The following DNAJB1 variants were observed in gnomAD, a reference collection of about 807,000 sequenced individuals.
The protein encoded by DNAJB1 is DnaJ heat shock protein family (Hsp40) member B1, also known as dnaJ homolog subfamily B member 1.
A neutral mutation model predicts 24.0 loss-of-function variants in DNAJB1; 14 were observed. That is an observed-to-expected ratio of 0.58 (90% CI 0.39 to 0.91). The LOEUF (loss-of-function observed/expected upper bound fraction) is 0.91. Ranked by LOEUF, DNAJB1 falls within the 40% of genes least tolerant of loss-of-function variation. DNAJB1 has a pLI of 0.00. For missense variants in DNAJB1, 517 were observed against 458.1 expected (o/e 1.13, Z -1.17); for synonymous variants, 262 against 174.4 (o/e 1.50, Z -3.96).
Position 14,518,333 on chromosome 19 carries a change from T to C in DNAJB1, c.17A>G (p.Tyr6Cys). 1 of 1,591,440 alleles carries C rather than the reference T, an allele frequency of 6.3e-7. No individual in the cohort carries two copies. Among genetic ancestry groups the C allele is most frequent in the Non-Finnish European group, 8.5e-7 (1 of 1,173,810 alleles). The stretch of plus-strand genomic sequence containing the variant: ...GCCGCGGGCCAGGCCCAACGTCTGG[T>C]AGTAGTCTTTACCCATGACCCCCTC... MGKDY[Y>C]QTLGLARGAS... Residue 6 changes from tyrosine (Y) to cysteine (C), a missense_variant, in exon 1 of 3, where the codon TAC becomes TGC. Coordinates refer to ENST00000254322, the MANE Select transcript of DNAJB1 (RefSeq NM_006145.3).
rs71166754 is a variant in DNAJB1, at chr19:14,542,347, G to GTTTTTTTTTTTTTTTTTTT, written c.-214+7842_-214+7860dup. Among the ~76,000 whole-genome samples, 16 of 43,300 alleles carry GTTTTTTTTTTTTTTTTTTT rather than the reference G, an allele frequency of 3.7e-4. 3 individuals carry two copies. Among genetic ancestry groups the GTTTTTTTTTTTTTTTTTTT allele is most frequent in the Non-Finnish European group, 7.0e-4 (16 of 22,812 alleles). 28.4% of individuals were successfully genotyped at this position (43,300 alleles called of 152,430 possible). A position where few individuals can be genotyped will look rare whatever the true frequency, so the allele number is the denominator to read the frequency against. On this transcript the variant is annotated intron_variant, in intron 1 of 3. Coordinates refer to the DNAJB1 transcript ENST00000676982. ...CCTCAGGGGGCCCTCATGCCATAGT[G>GTTTTTTTTTTTTTTTTTTT]TTTTTTTTTTTTTTTTTTTTTTTTT...
chr19:14,534,562 A>G (rs2072797119), upstream of DNAJB1, among the ~76,000 whole-genome samples: 1 of 148,282 alleles, frequency 6.7e-6, no homozygotes, highest in South Asian at 2.1e-4. Context: ...CAGCCTCCCA[A>G]GTAGCTGTTA....
At chr19:14,539,489 G>C (rs2073023366) in intron 1 of DNAJB1, among the ~76,000 whole-genome samples, 1 of 151,962 alleles carries the variant, frequency 6.6e-6, no homozygotes, top group Non-Finnish European at 1.5e-5. Context: ...TTCTGTTCCT[G>C]CTCCCTCCTA....
intron 1 of DNAJB1, chr19:14,545,611 C>A: frequency 5.0e-6 from 1 of 199,224 alleles, no homozygotes; most frequent in Admixed American, 5.4e-5. Context: ...CCATTCATCA[C>A]TGAGCCCAGC....
chr19:14,555,025 C>T (rs746073399), upstream of DNAJB1, among the ~76,000 whole-genome samples: 4 of 151,800 alleles, frequency 2.6e-5, no homozygotes, highest in Non-Finnish European at 4.4e-5. Flanking sequence ...GATCTGCCCA[C>T]GTCCGCCTCC....
At position 14,560,122 on chromosome 19, in the gene DNAJB1, C is replaced by A. The variant is rs557875072; in HGVS notation, c.-2257G>T. Among the ~76,000 whole-genome samples, 9 of 152,296 alleles carry A rather than the reference C, an allele frequency of 5.9e-5. No individual in the cohort carries two copies. The South Asian group carries it at 1.9e-3, about 32-fold the overall frequency. The stretch of plus-strand genomic sequence containing the variant: ...TGTGAGCGTGGCCCCTCTCTCGCTA[C>A]CCCCTCCTGCCGCAGCCCGGCGTCC... On this transcript the variant is annotated 5_prime_UTR_variant, in exon 1 of 6. Coordinates refer to the DNAJB1 transcript ENST00000679223.
rs769519959 is a variant in DNAJB1 at position 14,516,877 on chromosome 19, A to G, written c.381T>C (p.Ile127=). ...GQRNGEEGMD[I]DDPFSGFPMG... is the part of the protein sequence containing the mutation. Reference sequence around the variant, plus strand: ...TAGGGAAGCCAGAGAATGGGTCATCAATGTCCATGCCTTCCTCCCCGTTCC... The same window carrying G: ...TAGGGAAGCCAGAGAATGGGTCATCGATGTCCATGCCTTCCTCCCCGTTCC... The change falls in exon 2 of 3, where the codon ATT becomes ATC. Residue 127 remains isoleucine, a synonymous_variant. Coordinates refer to ENST00000254322, the MANE Select transcript of DNAJB1 (RefSeq NM_006145.3). The G allele has an allele frequency of 3.7e-6, 6 of 1,614,130 alleles. No individual in the cohort carries two copies. In the East Asian group the frequency reaches 1.1e-4, roughly 30 times the overall value.
At chr19:14,549,038 A>C (rs1484463369) in intron 1 of DNAJB1, among the ~76,000 whole-genome samples, 2 of 152,048 alleles carry the variant, frequency 1.3e-5, no homozygotes, top group Non-Finnish European at 2.9e-5. Flanking sequence ...CATCCGCTTA[A>C]AAAGGTAAAA....
Position 14,516,974 on chromosome 19 carries a change from T to A in DNAJB1, c.284A>T (p.His95Leu). ...AGCAAACATGGCATGAGGGTCTCCA[T>A]GGAATGTGTAGCTGAAAGAGGTACC... ...ANGTSFSYTF[H>L]GDPHAMFAEF... The change falls in exon 2 of 3, where the codon CAT becomes CTT. Residue 95 changes from histidine to leucine, a missense_variant. Physicochemically the swap from His to Leu is moderately conservative, Grantham distance 99 (BLOSUM62 -3). Transcript: ENST00000254322. The A allele has an allele frequency of 6.2e-7, 1 of 1,612,904 alleles. No homozygotes were observed. Among genetic ancestry groups the A allele is most frequent in the Non-Finnish European group, 8.5e-7 (1 of 1,179,946 alleles).
intron 2 of DNAJB1, among the ~76,000 whole-genome samples, chr19:14,525,818 G>T (rs539342868): frequency 1.1e-3 from 160 of 151,022 alleles, no homozygotes; most frequent in Non-Finnish European, 2.1e-3. Context: ...AAAAAAAAAA[G>T]AAGGAGAAAA....
chr19:14,528,437 A>G (rs983248431), intron 1 of DNAJB1, among the ~76,000 whole-genome samples: 5 of 149,518 alleles, frequency 3.3e-5, no homozygotes, highest in Admixed American at 1.3e-4. Context: ...ATGAGGTTTC[A>G]CCATATCTGC....
chr19:14,537,182 G>C (rs1235999163), intron 1 of DNAJB1, among the ~76,000 whole-genome samples: 1 of 133,852 alleles, frequency 7.5e-6, no homozygotes, highest in African/African-American at 2.8e-5. Flanking sequence ...GGGGGGGAAG[G>C]GGAGGCCGAG....
At chr19:14,522,325 A>G (rs1260411615), upstream of DNAJB1, among the ~76,000 whole-genome samples, 1 of 151,796 alleles carries the variant, frequency 6.6e-6, no homozygotes, top group Non-Finnish European at 1.5e-5. Context: ...AGACTTTAAA[A>G]AGCCAACACT....
At chr19:14,545,292 T>C in intron 1 of DNAJB1, 1 of 443,368 alleles carries the variant, frequency 2.3e-6, no homozygotes, top group Non-Finnish European at 4.5e-6. Context: ...CAAAGCTCTG[T>C]GCTACCCCAG....
intron 2 of DNAJB1, among the ~76,000 whole-genome samples, chr19:14,524,725 A>G (rs2072399042): frequency 6.6e-6 from 1 of 150,550 alleles, no homozygotes; most frequent in Admixed American, 6.7e-5. Flanking sequence ...GTGCACCTGT[A>G]ATCCCAGCTA....
chr19:14,518,394 C>T lies in DNAJB1; in HGVS notation c.-45G>A. On this transcript the variant is annotated 5_prime_UTR_variant, in exon 1 of 3. Coordinates refer to ENST00000254322, the MANE Select transcript of DNAJB1 (RefSeq NM_006145.3). ...CCGACCCGCTGTCGCCGTCCCCCGG[C>T]TCCGCCGCCGACCAGTCCCGGACTC... The T allele has an allele frequency of 2.0e-6, 3 of 1,513,480 alleles. No individual in the cohort carries two copies. The highest frequency in any genetic ancestry group is 2.6e-6 in the Non-Finnish European group (3 of 1,140,656). The allele number at this position is 1,513,480 out of a possible 1,614,324, so 93.8% of individuals were successfully genotyped here. A position where few individuals can be genotyped will look rare whatever the true frequency, so the allele number is the denominator to read the frequency against.
chr19:14,551,992 T>C (rs1318859187), upstream of DNAJB1, among the ~76,000 whole-genome samples: 1 of 144,758 alleles, frequency 6.9e-6, no homozygotes, highest in Non-Finnish European at 1.5e-5. Context: ...TTTTTTTTTT[T>C]GAGATGGAGT....
intron 2 of DNAJB1, among the ~76,000 whole-genome samples, chr19:14,526,561 G>C (rs1227697086): frequency 4.6e-5 from 7 of 152,144 alleles, no homozygotes; most frequent in Admixed American, 2.0e-4. Context: ...GAAATTATTT[G>C]TATGTTCCGG....
chr19:14,549,997 C>T (rs2073440925), intron 1 of DNAJB1, among the ~76,000 whole-genome samples: 3 of 151,664 alleles, frequency 2.0e-5, no homozygotes, highest in Non-Finnish European at 4.4e-5. Context: ...ACTGCCACTC[C>T]CTGTCCCCTT....
Sources: gnomAD v4.1 joint callset for allele counts (sites outside exome capture counted in the v4.1 genomes callset) on GRCh38, gnomAD v4.1.1 for gene constraint, MANE v1.5 for transcripts, NCBI Gene and HGNC (gene_info 2026-07-23, HGNC 2026-07-21) for gene names.